The following CNKSR2 variants were observed in gnomAD, a reference collection of about 807,000 sequenced individuals.
CNKSR2 encodes CNK homolog protein 2.
Under a neutral mutation model 84.4 loss-of-function variants are expected in CNKSR2, and 14 were observed. The ratio of observed to expected loss-of-function variants is 0.17; its 90% CI spans 0.11 to 0.26. The LOEUF (loss-of-function observed/expected upper bound fraction) is 0.26. Ranked by LOEUF, CNKSR2 falls within the 10% of genes least tolerant of loss-of-function variation. CNKSR2 has a pLI of 1.00. For synonymous variants in CNKSR2, 275 were observed against 277.9 expected (o/e 0.99, Z 0.10); for missense variants, 485 against 771.2 (o/e 0.63, Z 4.40).
rs940891441 is a variant in CNKSR2, at chrX:21,374,452, C to A, written c.-446C>A. Reference sequence around the variant, plus strand: ...GCCGGGCAGCTAGTCGTGCTCGGGGCTTCACTCCCGCGCGTGAGGCGAGCG... The same window carrying A: ...GCCGGGCAGCTAGTCGTGCTCGGGGATTCACTCCCGCGCGTGAGGCGAGCG... On this transcript the variant is annotated 5_prime_UTR_variant, in exon 1 of 22. Coordinates refer to ENST00000379510, the MANE Select transcript of CNKSR2 (RefSeq NM_014927.5). 3.1e-6 allele frequency: 1 copy of A among 323,895 alleles called. No homozygotes were observed. The highest frequency in any genetic ancestry group is 2.8e-5 in the African/African-American group (1 of 35,936). The allele number at this position is 323,895 out of a possible 1,213,427, so 26.7% of individuals were successfully genotyped here. A position where few individuals can be genotyped will look rare whatever the true frequency, so the allele number is the denominator to read the frequency against.
intron 20 of CNKSR2, among the ~76,000 whole-genome samples, chrX:21,638,507 A>G (rs1569288324): frequency 8.9e-6 from 1 of 112,144 alleles, no homozygotes; most frequent in Non-Finnish European, 1.9e-5. Context: ...TCAACATGGC[A>G]TTCCATCTGG....
rs2090285971 is a variant in CNKSR2 at position 21,407,903 on chromosome X, G to A, written c.65-18594G>A. On this transcript the variant is annotated intron_variant, in intron 1 of 21. Coordinates refer to ENST00000379510, the MANE Select transcript of CNKSR2 (RefSeq NM_014927.5). Reference sequence around the variant, plus strand: ...AAAAAGTAATTGTAGATTTTCTTATGTTGTTACATATTTTAGTATATTTCT... The same window carrying A: ...AAAAAGTAATTGTAGATTTTCTTATATTGTTACATATTTTAGTATATTTCT... Among the ~76,000 whole-genome samples, 4 of 111,490 alleles carry A rather than the reference G, an allele frequency of 3.6e-5. No homozygotes were observed. The South Asian group carries it at 1.5e-3, about 42-fold the overall frequency.
rs148401663 is a variant in CNKSR2 at position 21,468,282 on chromosome X, A to C, written c.520-2484A>C. 9.7e-3 allele frequency among the ~76,000 whole-genome samples: 1,075 copies of C among 111,354 alleles called. 12 individuals carry two copies. The highest frequency in any genetic ancestry group is 0.032 in the African/African-American group (974 of 30,754). Reference sequence around the variant, plus strand: ...TAATTAATTTAGTATATTCAATATTATTTAAATATTACTAACTATATTTAG... The same window carrying C: ...TAATTAATTTAGTATATTCAATATTCTTTAAATATTACTAACTATATTTAG... On this transcript the variant is annotated intron_variant, in intron 4 of 21. Coordinates refer to ENST00000379510, the MANE Select transcript of CNKSR2 (RefSeq NM_014927.5).
intron 1 of CNKSR2, among the ~76,000 whole-genome samples, chrX:21,410,954 G>T (rs1299829329): frequency 9.1e-6 from 1 of 110,254 alleles, no homozygotes; most frequent in Non-Finnish European, 1.9e-5. Flanking sequence ...TTGTATTAGG[G>T]AAGGATCACA....
At chrX:21,564,720 A>G (rs1203029618) in intron 13 of CNKSR2, among the ~76,000 whole-genome samples, 2 of 109,591 alleles carry the variant, frequency 1.8e-5, no homozygotes, top group African/African-American at 3.4e-5. Context: ...TACTTATTCT[A>G]TAGCTCTTCC....
chrX:21,587,597 T>G (rs113859001), intron 13 of CNKSR2, among the ~76,000 whole-genome samples: 3,489 of 111,654 alleles, frequency 0.031, 134 homozygotes, highest in African/African-American at 0.11. Context: ...GGAAAAAATG[T>G]ACCAATTAAA....
At chrX:21,522,897 ACATT>A (rs1051094862) in intron 9 of CNKSR2, among the ~76,000 whole-genome samples, 25 of 111,295 alleles carry the variant, frequency 2.2e-4, no homozygotes, top group African/African-American at 8.1e-4. Context: ...AAGTATTTAT[ACATT>A]CAAACTGACA....
intron 20 of CNKSR2, among the ~76,000 whole-genome samples, chrX:21,617,014 A>G (rs2092579977): frequency 8.9e-6 from 1 of 112,186 alleles, no homozygotes; most frequent in South Asian, 3.7e-4. Context: ...TCAAGTCACA[A>G]CAGCAGAAGA....
At chrX:21,491,661 T>A (rs1430655833) in intron 6 of CNKSR2, 3 of 111,944 alleles carry the variant, frequency 2.7e-5, no homozygotes, top group African/African-American at 9.7e-5. Context: ...AGGAATATGA[T>A]GAAAATCAGC....
At chrX:21,469,918 GTAAA>G (rs1429018846) in intron 4 of CNKSR2, among the ~76,000 whole-genome samples, 2 of 111,845 alleles carry the variant, frequency 1.8e-5, no homozygotes, top group Middle Eastern at 4.7e-3. Context: ...CTCAAAAAAA[GTAAA>G]TAAATAAAAT....
intron 8 of CNKSR2, among the ~76,000 whole-genome samples, chrX:21,503,058 A>G (rs2091575528): frequency 9.0e-6 from 1 of 111,650 alleles, no homozygotes. Context: ...GGTCATTAAG[A>G]GGATAGAGAT....
At chrX:21,462,276 T>C (rs894384187) in intron 4 of CNKSR2, among the ~76,000 whole-genome samples, 2 of 112,197 alleles carry the variant, frequency 1.8e-5, no homozygotes, top group African/African-American at 6.5e-5. Context: ...TTTCTAGATA[T>C]TTAATTTTAT....
chrX:21,513,758 T>C (rs2091698962), intron 8 of CNKSR2, among the ~76,000 whole-genome samples: 1 of 112,150 alleles, frequency 8.9e-6, no homozygotes, highest in Non-Finnish European at 1.9e-5. Flanking sequence ...ATTTTGTTTC[T>C]CCATCACCAC....
chrX:21,601,066 C>G (rs2092478801), intron 17 of CNKSR2, among the ~76,000 whole-genome samples: 1 of 112,053 alleles, frequency 8.9e-6, no homozygotes, highest in Non-Finnish European at 1.9e-5. Flanking sequence ...TTGCCCAAGA[C>G]TTTTCTATTG....
intron 20 of CNKSR2, among the ~76,000 whole-genome samples, chrX:21,633,284 G>T (rs977200120): frequency 1.8e-5 from 2 of 110,949 alleles, no homozygotes; most frequent in Non-Finnish European, 3.8e-5. Context: ...CCCTAGAGAA[G>T]GCAACATGGC....
intron 4 of CNKSR2, among the ~76,000 whole-genome samples, chrX:21,448,174 G>C (rs1008142098): frequency 9.0e-6 from 1 of 111,405 alleles, no homozygotes; most frequent in Non-Finnish European, 1.9e-5. Flanking sequence ...GAGAAGTGTG[G>C]ATCAGGAGGT....
intron 1 of CNKSR2, among the ~76,000 whole-genome samples, chrX:21,380,728 G>A (rs918885482): frequency 9.0e-6 from 1 of 111,593 alleles, no homozygotes; most frequent in Non-Finnish European, 1.9e-5. Flanking sequence ...GATTACAGGC[G>A]TGAGCCACTG....
intron 5 of CNKSR2, among the ~76,000 whole-genome samples, chrX:21,482,225 G>A (rs2091328452): frequency 8.9e-6 from 1 of 112,109 alleles, no homozygotes; most frequent in South Asian, 3.7e-4. Flanking sequence ...TTAAATATAA[G>A]GTACTATATT....
Position 21,443,040 on chromosome X carries a change from T to C in CNKSR2, c.519+2259T>C, listed in dbSNP as rs1253259636. 7.2e-5 allele frequency among the ~76,000 whole-genome samples: 8 copies of C among 110,365 alleles called. No homozygotes were observed. In the Admixed American group the frequency reaches 7.8e-4, roughly 11 times the overall value. On this transcript the variant is annotated intron_variant, in intron 4 of 21. Transcript: ENST00000379510. Reference sequence around the variant, plus strand: ...GAGGGTGAGGATCGAAAAACTACCTTTCGGGTACTATGCTCATTACGTATG... The same window carrying C: ...GAGGGTGAGGATCGAAAAACTACCTCTCGGGTACTATGCTCATTACGTATG...
Sources: gnomAD v4.1 joint callset for allele counts (sites outside exome capture counted in the v4.1 genomes callset) on GRCh38, gnomAD v4.1.1 for gene constraint, MANE v1.5 for transcripts, NCBI Gene and HGNC (gene_info 2026-07-23, HGNC 2026-07-21) for gene names.